Variants in NXPH1 observed in about 807,000 individuals in gnomAD.
NXPH1 encodes the protein neurexophilin 1, also known as neurexophilin-1.
Under a neutral mutation model 23.7 loss-of-function variants are expected in NXPH1, and 5 were observed. The ratio of observed to expected loss-of-function variants is 0.21; its 90% CI spans 0.11 to 0.44. NXPH1 has a LOEUF of 0.44. Ranked by LOEUF, NXPH1 falls within the 20% of genes least tolerant of loss-of-function variation. The probability of loss-of-function intolerance (pLI) is 0.99; values close to 1 mark genes in which losing one functional copy is unlikely to be tolerated. For synonymous variants in NXPH1, 144 were observed against 122.2 expected, an observed-to-expected ratio of 1.18 and a Z score of -1.18; for missense variants, 324 against 321.6, an observed-to-expected ratio of 1.01 and a Z score of -0.06.
At chr7:8,709,989 A>C (rs1248443862) in intron 2 of NXPH1, among the ~76,000 whole-genome samples, 1 of 152,176 alleles carries the variant, frequency 6.6e-6, no homozygotes, top group Non-Finnish European at 1.5e-5. Flanking sequence ...ATGCTAAGAG[A>C]GGGGTAATCA....
chr7:8,467,671 T>A (rs1816806854), intron 2 of NXPH1, among the ~76,000 whole-genome samples: 1 of 152,192 alleles, frequency 6.6e-6, no homozygotes. Flanking sequence ...CATCTTTAGA[T>A]CTTGTGAGAG....
intron 2 of NXPH1, among the ~76,000 whole-genome samples, chr7:8,444,060 C>T (rs1159470090): frequency 1.3e-5 from 2 of 152,176 alleles, no homozygotes; most frequent in African/African-American, 4.8e-5. Flanking sequence ...AGAAATAAGA[C>T]GGATAGTACC....
At chr7:8,698,085 A>G (rs1779563698) in intron 2 of NXPH1, among the ~76,000 whole-genome samples, 1 of 152,224 alleles carries the variant, frequency 6.6e-6, no homozygotes, top group Admixed American at 6.5e-5. Flanking sequence ...CAGTGCAGAG[A>G]GCAAGAGTAG....
intron 2 of NXPH1, among the ~76,000 whole-genome samples, chr7:8,480,908 A>G (rs1486576161): frequency 1.3e-5 from 2 of 152,178 alleles, no homozygotes; most frequent in African/African-American, 4.8e-5. Context: ...GGATATTTCT[A>G]AAGGTATTAT....
chr7:8,525,114 G>T (rs2128616399), intron 2 of NXPH1, among the ~76,000 whole-genome samples: 1 of 152,302 alleles, frequency 6.6e-6, no homozygotes, highest in South Asian at 2.1e-4. Context: ...AATTCTGATA[G>T]CGATATGGAC....
At chr7:8,657,977 G>A (rs1483270016) in intron 2 of NXPH1, among the ~76,000 whole-genome samples, 1 of 152,142 alleles carries the variant, frequency 6.6e-6, no homozygotes, top group African/African-American at 2.4e-5. Context: ...GCAGTGAGCC[G>A]AGATCGTGCC....
chr7:8,676,621 T>A (rs956901482), intron 2 of NXPH1, among the ~76,000 whole-genome samples: 1 of 152,188 alleles, frequency 6.6e-6, no homozygotes, highest in Non-Finnish European at 1.5e-5. Flanking sequence ...GGCTGGTGAC[T>A]TAGGATTCCA....
chr7:8,621,245 T>C (rs185830549), intron 2 of NXPH1, among the ~76,000 whole-genome samples: 22 of 152,238 alleles, frequency 1.4e-4, no homozygotes, highest in African/African-American at 3.9e-4. Context: ...GTCAAATCTT[T>C]AGGATTTGGG....
intron 2 of NXPH1, among the ~76,000 whole-genome samples, chr7:8,601,477 G>A (rs1394071748): frequency 2.6e-5 from 4 of 152,134 alleles, no homozygotes; most frequent in African/African-American, 7.2e-5. Context: ...CTCTCTACCT[G>A]TTCTTCAGGA....
At chr7:8,739,560 C>CTGGG (rs1184334035) in intron 2 of NXPH1, among the ~76,000 whole-genome samples, 1 of 152,132 alleles carries the variant, frequency 6.6e-6, no homozygotes, top group African/African-American at 2.4e-5. Flanking sequence ...ATTGATCTTG[C>CTGGG]TGGGAGCTGC....
intron 2 of NXPH1, among the ~76,000 whole-genome samples, chr7:8,739,158 G>C (rs1780315194): frequency 8.5e-6 from 1 of 117,964 alleles, no homozygotes; most frequent in Non-Finnish European, 1.6e-5. Flanking sequence ...TGGAGTTCCA[G>C]GCACCAGTGG....
chr7:8,525,486 T>C (rs981324614), intron 2 of NXPH1, among the ~76,000 whole-genome samples: 3 of 152,198 alleles, frequency 2.0e-5, no homozygotes, highest in Admixed American at 6.5e-5. Flanking sequence ...AGGAGCCTAA[T>C]GTTAATCCCC....
intron 2 of NXPH1, among the ~76,000 whole-genome samples, chr7:8,574,342 G>A (rs1218215205): frequency 2.0e-5 from 3 of 152,000 alleles, no homozygotes; most frequent in African/African-American, 7.3e-5. Context: ...TCCAGCTCCT[G>A]GGCTCCAGCG....
intron 2 of NXPH1, among the ~76,000 whole-genome samples, chr7:8,635,791 T>A (rs2115138204): frequency 6.6e-6 from 1 of 152,340 alleles, no homozygotes; most frequent in African/African-American, 2.4e-5. Flanking sequence ...TTTTTCTTTT[T>A]TTGACAATTA....
chr7:8,468,928 AAG>A (rs1038158414), intron 2 of NXPH1, among the ~76,000 whole-genome samples: 14 of 152,016 alleles, frequency 9.2e-5, no homozygotes, highest in African/African-American at 3.4e-4. Flanking sequence ...GGCAATTTTT[AAG>A]AGTGTTAAAT....
chr7:8,540,188 G>T (rs1818091897), intron 2 of NXPH1, among the ~76,000 whole-genome samples: 1 of 151,744 alleles, frequency 6.6e-6, no homozygotes, highest in African/African-American at 2.4e-5. Context: ...CAGAAATTAA[G>T]TTACTACCCA....
intron 2 of NXPH1, among the ~76,000 whole-genome samples, chr7:8,441,762 T>C (rs1816305658): frequency 6.6e-6 from 1 of 152,196 alleles, no homozygotes; most frequent in Non-Finnish European, 1.5e-5. Context: ...CAAGAGCGCG[T>C]TTGCGCATTT....
chr7:8,580,289 A>G (rs1818840487), intron 2 of NXPH1, among the ~76,000 whole-genome samples: 1 of 152,198 alleles, frequency 6.6e-6, no homozygotes, highest in Non-Finnish European at 1.5e-5. Flanking sequence ...ACAGGCTGCT[A>G]TTGTTAAAAG....
intron 2 of NXPH1, among the ~76,000 whole-genome samples, chr7:8,526,175 T>C (rs1817858595): frequency 6.6e-6 from 1 of 152,214 alleles, no homozygotes; most frequent in Non-Finnish European, 1.5e-5. Flanking sequence ...AGATCTGGAG[T>C]CAAAGGATAT....
Sources: allele counts gnomAD v4.1 joint callset (sites outside exome capture counted in the v4.1 genomes callset), GRCh38; gene constraint gnomAD v4.1.1; transcripts MANE v1.5; gene names NCBI Gene and HGNC (gene_info 2026-07-23, HGNC 2026-07-21).